CA11: variants seen among roughly 807,000 people sequenced by gnomAD.
The protein encoded by CA11 is carbonic anhydrase 11 (inactive).
Under a neutral mutation model 39.3 loss-of-function variants are expected in CA11, and 20 were observed. The ratio of observed to expected loss-of-function variants is 0.51; its 90% confidence interval spans 0.36 to 0.74. The LOEUF (loss-of-function observed/expected upper bound fraction) is 0.74, where lower values mean the gene tolerates loss of function less well. Among genes scored for constraint, CA11 ranks in the 30% least tolerant of loss-of-function variants. CA11 has a pLI of 0.00. For missense variants in CA11, 336 were observed against 424.6 expected (o/e 0.79, Z 1.83); for synonymous variants, 166 against 172.5 (o/e 0.96, Z 0.29).
intron 8 of CA11, 84 bp from the exon 9 acceptor site, chr19:48,638,228 G>T: frequency 8.2e-7 from 1 of 1,216,048 alleles, no homozygotes. Flanking sequence ...GCTGCGCCGC[G>T]CTGGGCCCTA....
intron 5 of CA11, 72 bp downstream of exon 5, chr19:48,639,716 A>AC: frequency 1.9e-6 from 3 of 1,586,500 alleles, no homozygotes; most frequent in Non-Finnish European, 2.6e-6. Context: ...GCCTCCCAGC[A>AC]CCCCGCTTCC....
chr19:48,640,247 C>T lies in CA11; in HGVS notation c.319G>A (p.Val107Ile). ...RGTLYNTGRHVSFLPAPRPVV... is the reference protein window; with the variant it reads ...RGTLYNTGRHISFLPAPRPVV... The stretch of plus-strand genomic sequence containing the variant: ...GGTCGGGGTGCAGGCAGGAAGGAGA[C>T]ATGTCGGCCGGTGTTGTACAAGGTT... The change falls in exon 4 of 9, where the codon GTC becomes ATC. Residue 107 changes from valine (V) to isoleucine (I), a missense_variant. Physicochemically the swap from Val to Ile is conservative, Grantham distance 29 (BLOSUM62 3). Coordinates refer to ENST00000084798, the MANE Select transcript of CA11 (RefSeq NM_001217.5). 1.2e-6 allele frequency: 2 copies of T among 1,613,696 alleles called. No individual in the cohort carries two copies. The highest frequency in any genetic ancestry group is 2.2e-5 in the South Asian group (2 of 91,068).
chr19:48,638,458 TG>T (rs2030931169), intron 8 of CA11: 5 of 795,080 alleles, frequency 6.3e-6, no homozygotes, highest in Non-Finnish European at 7.6e-6. Flanking sequence ...GAGGCAGAGG[TG>T]GAGGGAAGGG....
chr19:48,640,078 C>G lies in CA11; in HGVS notation c.471+17G>C, dbSNP rs1463009228. On this transcript the variant is annotated intron_variant, in intron 4 of 8. Transcript: ENST00000084798. Reference sequence around the variant, plus strand: ...CTCAGGGCGGAGGGTGGCGGGTAAACAATCAGTGGCCACTACCTCAGCAGA... The same window carrying G: ...CTCAGGGCGGAGGGTGGCGGGTAAAGAATCAGTGGCCACTACCTCAGCAGA... The G allele has an allele frequency of 3.1e-6, 5 of 1,606,938 alleles. No individual in the cohort carries two copies. The highest frequency in any genetic ancestry group is 3.4e-6 in the Non-Finnish European group (4 of 1,174,470).
intron 3 of CA11, among the ~76,000 whole-genome samples, chr19:48,641,909 C>A (rs534126372): frequency 6.9e-6 from 1 of 145,590 alleles, no homozygotes; most frequent in African/African-American, 2.6e-5. Flanking sequence ...AAGTCATCAT[C>A]CTGCCTTAGC....
intron 5 of CA11, 72 bp downstream of exon 5, chr19:48,639,716 A>T (rs1385320098): frequency 3.8e-6 from 6 of 1,586,380 alleles, no homozygotes; most frequent in Non-Finnish European, 5.2e-6. Context: ...GCCTCCCAGC[A>T]CCCCGCTTCC....
Position 48,645,771 on chromosome 19 carries a change from A to C in CA11, c.-139T>G. The C allele has an allele frequency of 3.3e-6, 2 of 612,412 alleles. No individual in the cohort carries two copies. The highest frequency in any genetic ancestry group is 2.3e-5 in the South Asian group (1 of 43,228). 37.9% of individuals were successfully genotyped at this position (612,412 alleles called of 1,614,324 possible). A position where few individuals can be genotyped will look rare whatever the true frequency, so the allele number is the denominator to read the frequency against. On this transcript the variant is annotated 5_prime_UTR_variant, in exon 1 of 9. Transcript: ENST00000084798. ...CCCACAGGGAGTCCCAGTTCCCCAA[A>C]TGCCAAAGCAGCCAGGGACTGAGAT... is the stretch of plus-strand genomic sequence containing the variant.
At chr19:48,645,530 C>G in intron 1 of CA11, 36 bp downstream of exon 1, 1 of 1,596,322 alleles carries the variant, frequency 6.3e-7, no homozygotes, top group Non-Finnish European at 8.5e-7. Context: ...CCTCCACCCT[C>G]CCTCGGGGGC....
chr19:48,645,552 AC>A lies in CA11; in HGVS notation c.67+13del. 1 of 1,602,140 alleles carries A rather than the reference AC, an allele frequency of 6.2e-7. No homozygotes were observed. The highest frequency in any genetic ancestry group is 2.3e-5 in the East Asian group (1 of 44,346). Reference sequence around the variant, plus strand: ...CCTCCCTCGGGGGCTCCTCCCGGGAACCCCAGGTCTTACCTGCTGCCCCCAG... The same window carrying A: ...CCTCCCTCGGGGGCTCCTCCCGGGAACCCAGGTCTTACCTGCTGCCCCCAG... On this transcript the variant is annotated intron_variant, in intron 1 of 8. Transcript: ENST00000084798.
In CA11 at chr19:48,645,419, C is replaced by G. The variant is rs954066288; in HGVS notation, c.126G>C (p.Gln42His). The change falls in exon 2 of 9, where the codon CAG becomes CAC. Residue 42 changes from glutamine (Q) to histidine (H), a missense_variant. Transcript: ENST00000084798. ...EDWWSYKDNL[Q>H]GNFVPGPPFW... Reference sequence around the variant, plus strand: ...TGGCGGCACCTGGCACGAAGTTTCCCTGGAGATTATCCTTGTAGCTCCACC... The same window carrying G: ...TGGCGGCACCTGGCACGAAGTTTCCGTGGAGATTATCCTTGTAGCTCCACC... 33 of 1,594,148 alleles carry G rather than the reference C, an allele frequency of 2.1e-5. No homozygotes were observed. Among genetic ancestry groups the G allele is most frequent in the Non-Finnish European group, 2.7e-5 (32 of 1,169,810 alleles).
chr19:48,639,246 G>T, intron 7 of CA11, 59 bp downstream of exon 7: 1 of 1,592,002 alleles, frequency 6.3e-7, no homozygotes, highest in Non-Finnish European at 8.6e-7. Context: ...GCAAGGGGAT[G>T]CCCAGGCCAG....
intron 3 of CA11, among the ~76,000 whole-genome samples, chr19:48,641,100 C>T (rs1168496579): frequency 1.3e-5 from 2 of 152,016 alleles, no homozygotes. Context: ...CTCCCTCAGG[C>T]TCCCGAGTAG....
At chr19:48,638,323 G>A (rs2030916366) in intron 8 of CA11, 179 bp from the exon 9 acceptor site, 5 of 1,012,992 alleles carry the variant, frequency 4.9e-6, no homozygotes, top group Non-Finnish European at 5.9e-6. Flanking sequence ...TAGGAGGGGG[G>A]AATCGGGACG....
chr19:48,641,838 T>C (rs1413663641), intron 3 of CA11, among the ~76,000 whole-genome samples: 1 of 149,218 alleles, frequency 6.7e-6, no homozygotes, highest in African/African-American at 2.5e-5. Context: ...TTTTTTTTTT[T>C]TTTTTTTGGT....
At position 48,645,609 on chromosome 19, in the gene CA11, G is replaced by A. The variant is rs760502114; in HGVS notation, c.24C>T (p.Ser8=). The A allele has an allele frequency of 5.0e-6, 8 of 1,597,690 alleles. No individual in the cohort carries two copies. The Admixed American group carries it at 5.2e-5, about 10-fold the overall frequency. MGAAARL[S]APRALVLWAA... Reference sequence around the variant, plus strand: ...CCCAGAGTACCAGCGCTCGAGGGGCGCTCAGACGAGCTGCAGCCCCCATCC... The same window carrying A: ...CCCAGAGTACCAGCGCTCGAGGGGCACTCAGACGAGCTGCAGCCCCCATCC... The change falls in exon 1 of 9, where the codon AGC becomes AGT. Residue 8 remains serine, a synonymous_variant. Transcript: ENST00000084798.
intron 4 of CA11, 45 bp from the exon 5 acceptor site, chr19:48,639,928 A>C: frequency 6.3e-7 from 1 of 1,578,682 alleles, no homozygotes; most frequent in Non-Finnish European, 8.7e-7. Flanking sequence ...GAAGGGGAGG[A>C]GAGCATGACC....
Position 48,646,103 on chromosome 19 carries a change from C to G in CA11, c.-471G>C. 3.5e-6 allele frequency: 1 copy of G among 289,582 alleles called. No homozygotes were observed. The highest frequency in any genetic ancestry group is 6.4e-6 in the Non-Finnish European group (1 of 156,722). The allele number at this position is 289,582 out of a possible 1,614,324, so 17.9% of individuals were successfully genotyped here. The stretch of plus-strand genomic sequence containing the variant: ...CTCCTTCTTCACCTCCTCCCGCCCT[C>G]CCTCAGTGTCGGCCTCCAGCTTCGT... On this transcript the variant is annotated 5_prime_UTR_variant, in exon 1 of 9. Coordinates refer to ENST00000084798, the MANE Select transcript of CA11 (RefSeq NM_001217.5).
At chr19:48,644,608 A>C in intron 2 of CA11, 39 bp from the exon 3 acceptor site, 1 of 1,482,904 alleles carries the variant, frequency 6.7e-7, no homozygotes, top group South Asian at 1.3e-5. Flanking sequence ...AGGAGTCAGA[A>C]ATAGAGACTG....
intron 8 of CA11, 48 bp from the exon 9 acceptor site, chr19:48,638,192 G>A (rs762634405): frequency 8.4e-7 from 1 of 1,194,504 alleles, no homozygotes. Flanking sequence ...AGGATGGAAG[G>A]GGCGGGGGGT....
Sources: gnomAD v4.1 joint callset for allele counts (sites outside exome capture counted in the v4.1 genomes callset) on GRCh38, gnomAD v4.1.1 for gene constraint, MANE v1.5 for transcripts, NCBI Gene and HGNC (gene_info 2026-07-23, HGNC 2026-07-21) for gene names.